Variants in MCTP1 observed in about 807,000 individuals in gnomAD.
MCTP1 encodes multiple C2 and transmembrane domain containing 1.
Under a neutral mutation model 120.6 loss-of-function variants are expected in MCTP1, and 69 were observed. The ratio of observed to expected loss-of-function variants is 0.57; its 90% confidence interval spans 0.47 to 0.70. The LOEUF (loss-of-function observed/expected upper bound fraction) is 0.70. Among genes scored for constraint, MCTP1 ranks in the 30% least tolerant of loss-of-function variants. MCTP1 has a pLI of 0.00. For synonymous variants in MCTP1, 529 were observed against 493.1 expected (o/e 1.07, Z -0.96); for missense variants, 1,203 against 1,248.8 (o/e 0.96, Z 0.55).
intron 2 of MCTP1, among the ~76,000 whole-genome samples, chr5:94,975,816 C>A (rs1340775890): frequency 1.3e-5 from 2 of 152,002 alleles, no homozygotes; most frequent in Non-Finnish European, 2.9e-5. Flanking sequence ...TGCTTGGACG[C>A]CTTCCCTGAT....
chr5:95,167,215 A>G (rs1746520714), intron 1 of MCTP1, among the ~76,000 whole-genome samples: 1 of 152,124 alleles, frequency 6.6e-6, no homozygotes, highest in Non-Finnish European at 1.5e-5. Flanking sequence ...AGCTTCATCC[A>G]TGTCCCTACA....
chr5:95,128,750 C>T (rs187765125), intron 1 of MCTP1, among the ~76,000 whole-genome samples: 45 of 152,212 alleles, frequency 3.0e-4, no homozygotes, highest in South Asian at 2.1e-4. Context: ...CATTCTAAAG[C>T]GGGTTGTGCG....
intron 1 of MCTP1, among the ~76,000 whole-genome samples, chr5:95,061,462 G>C: frequency 2.3e-5 from 1 of 43,986 alleles, no homozygotes; most frequent in Non-Finnish European, 4.4e-5. Flanking sequence ...TTGAGACGGA[G>C]TCTCGCTCTG....
intron 17 of MCTP1, among the ~76,000 whole-genome samples, chr5:94,855,932 A>T (rs1794650197): frequency 6.6e-6 from 1 of 151,724 alleles, no homozygotes; most frequent in South Asian, 2.1e-4. Context: ...AAAAATTCAC[A>T]CACCTAAGAA....
chr5:95,010,855 CAG>C (rs1835793341), intron 2 of MCTP1, among the ~76,000 whole-genome samples: 1 of 152,118 alleles, frequency 6.6e-6, no homozygotes, highest in Non-Finnish European at 1.5e-5. Flanking sequence ...TGTGGAGGCA[CAG>C]GGAATGGTGA....
chr5:94,980,196 A>C lies in MCTP1; in HGVS notation c.839-26835T>G, dbSNP rs548507192. ...TTAGATAAATCATTTATAATCTTTT[A>C]ATTGTTTTCCCCCTACTTTAACAAC... is the stretch of plus-strand genomic sequence containing the variant. On this transcript the variant is annotated intron_variant, in intron 2 of 22. Transcript: ENST00000515393. Among the ~76,000 whole-genome samples the C allele has an allele frequency of 6.0e-4, 92 of 152,278 alleles. No individual in the cohort carries two copies. The South Asian group carries it at 0.012, about 20-fold the overall frequency.
At chr5:94,948,374 C>A (rs913337666) in intron 3 of MCTP1, among the ~76,000 whole-genome samples, 1 of 152,056 alleles carries the variant, frequency 6.6e-6, no homozygotes, top group Non-Finnish European at 1.5e-5. Flanking sequence ...TTCATTTTCC[C>A]GAGACTCAAT....
intron 1 of MCTP1, among the ~76,000 whole-genome samples, chr5:95,186,597 T>A (rs1490102317): frequency 6.6e-6 from 1 of 152,194 alleles, no homozygotes; most frequent in Non-Finnish European, 1.5e-5. Flanking sequence ...CTCCCCAAGT[T>A]GACATATGAG....
chr5:95,164,131 G>C (rs1582407721), intron 1 of MCTP1, among the ~76,000 whole-genome samples: 3 of 152,068 alleles, frequency 2.0e-5, no homozygotes, highest in South Asian at 4.1e-4. Context: ...GGTGTTCCTA[G>C]GTTCTGCATA....
chr5:94,924,476 A>C lies in MCTP1; in HGVS notation c.1213-455T>G, dbSNP rs536126582. ...CAAATTTGGTTTACATTTCTACAAA[A>C]AATTCCAAATTTTATAATACAATTA... On this transcript the variant is annotated intron_variant, in intron 6 of 22. Transcript: ENST00000515393. Among the ~76,000 whole-genome samples the C allele has an allele frequency of 6.6e-5, 10 of 152,308 alleles. No individual in the cohort carries two copies. In the East Asian group the frequency reaches 1.9e-3, roughly 29 times the overall value.
intron 6 of MCTP1, chr5:94,931,003 TG>T (rs1464486239): frequency 6.6e-6 from 1 of 152,158 alleles, no homozygotes; most frequent in Non-Finnish European, 1.5e-5. Context: ...AATTATTCTT[TG>T]GTCATTAATG....
At chr5:94,986,439 G>A (rs2153606383) in intron 2 of MCTP1, among the ~76,000 whole-genome samples, 1 of 152,242 alleles carries the variant, frequency 6.6e-6, no homozygotes, top group South Asian at 2.1e-4. Context: ...TGTACTACAA[G>A]GACTTTGATT....
chr5:94,957,439 G>A (rs148200060), intron 2 of MCTP1, among the ~76,000 whole-genome samples: 84 of 152,184 alleles, frequency 5.5e-4, no homozygotes, highest in African/African-American at 1.7e-3. Context: ...ATGTAAATGG[G>A]CTAAATGCCC....
At chr5:94,719,373 A>G (rs538284583) in intron 19 of MCTP1, among the ~76,000 whole-genome samples, 65 of 152,364 alleles carry the variant, frequency 4.3e-4, no homozygotes, top group African/African-American at 1.5e-3. Flanking sequence ...TGTTAATTGC[A>G]GACTATTCAC....
At chr5:94,815,733 T>C (rs1784368579) in intron 17 of MCTP1, among the ~76,000 whole-genome samples, 1 of 152,152 alleles carries the variant, frequency 6.6e-6, no homozygotes, top group Non-Finnish European at 1.5e-5. Context: ...TTTAGATCAG[T>C]CTTGAGGAGG....
rs573707091 is a variant in MCTP1, at chr5:95,172,368, G to A, written c.720+111488C>T. The stretch of plus-strand genomic sequence containing the variant: ...ACTTGTGGGTCAGGGACCCACTTGA[G>A]GAGGCAGTCTGTCCGTTCTCAGATC... On this transcript the variant is annotated intron_variant, in intron 1 of 22. Coordinates refer to ENST00000515393, the MANE Select transcript of MCTP1 (RefSeq NM_024717.7). Among the ~76,000 whole-genome samples, 65 of 152,334 alleles carry A rather than the reference G, an allele frequency of 4.3e-4. No homozygotes were observed. The South Asian group carries it at 0.012, about 27-fold the overall frequency.
chr5:95,086,097 A>G (rs1045652889), intron 1 of MCTP1, among the ~76,000 whole-genome samples: 1 of 152,068 alleles, frequency 6.6e-6, no homozygotes, highest in African/African-American at 2.4e-5. Context: ...ATTTACCTGT[A>G]ATTGAGTCAA....
At chr5:95,193,395 A>G (rs1750037109) in intron 1 of MCTP1, among the ~76,000 whole-genome samples, 1 of 152,204 alleles carries the variant, frequency 6.6e-6, no homozygotes, top group Admixed American at 6.5e-5. Context: ...TTTATAGATT[A>G]TCTCATTCAA....
intron 1 of MCTP1, among the ~76,000 whole-genome samples, chr5:95,183,831 C>T (rs1275692441): frequency 6.6e-6 from 1 of 152,124 alleles, no homozygotes; most frequent in Non-Finnish European, 1.5e-5. Flanking sequence ...ACTGACAATA[C>T]CAAAGAAGGG....
Sources: gnomAD v4.1 joint callset for allele counts (sites outside exome capture counted in the v4.1 genomes callset) on GRCh38, gnomAD v4.1.1 for gene constraint, MANE v1.5 for transcripts, NCBI Gene and HGNC (gene_info 2026-07-23, HGNC 2026-07-21) for gene names.